ATAD5: variants seen among roughly 807,000 people sequenced by gnomAD.
ATAD5 encodes ATPase family AAA domain-containing protein 5.
In ATAD5, 58 loss-of-function variants were observed where a neutral mutation model predicts 176.9. The observed-to-expected ratio is 0.33, with a 90% confidence interval of 0.27 to 0.41. The LOEUF (loss-of-function observed/expected upper bound fraction) is 0.41. Ranked by LOEUF, ATAD5 falls within the 10% of genes least tolerant of loss-of-function variation. The pLI is 1.00. For synonymous variants in ATAD5, 640 were observed against 712.6 expected (o/e 0.90, Z 1.62); for missense variants, 1,789 against 2,094.1 (o/e 0.85, Z 2.84).
intron 18 of ATAD5, among the ~76,000 whole-genome samples, chr17:30,882,311 C>T (rs960477019): frequency 6.6e-6 from 1 of 151,900 alleles, no homozygotes; most frequent in African/African-American, 2.4e-5. Context: ...GCCTATAATC[C>T]TAGCACTTTT....
chr17:30,841,743 G>GT (rs2142318787), intron 4 of ATAD5, among the ~76,000 whole-genome samples: 1 of 152,208 alleles, frequency 6.6e-6, no homozygotes, highest in Admixed American at 6.5e-5. Context: ...ATAGCATGTG[G>GT]TTTTTTGTGT....
chr17:30,868,353 GAA>G lies in ATAD5; in HGVS notation c.3255_3256del (p.Arg1086SerfsTer2). 6.3e-7 allele frequency: 1 copy of G among 1,581,122 alleles called. No homozygotes were observed. Among genetic ancestry groups the G allele is most frequent in the Non-Finnish European group, 8.6e-7 (1 of 1,166,684 alleles). ...GGCAGTTGGTTGAAAGACTGGAAAA[GAA>G]GAGCTGAATTGGAAGAAAGGCAGAA... is the stretch of plus-strand genomic sequence containing the variant. On this transcript the variant is annotated frameshift_variant, in exon 12 of 23. Transcript: ENST00000321990. LOFTEE classifies it high-confidence loss of function.
rs865881680 is a variant in ATAD5, at chr17:30,869,355, G to T, written c.3421G>T (p.Ala1141Ser). ...TGPTGVGKTA[A>S]VYACAQELGF... Reference sequence around the variant, plus strand: ...GCCAACAGGAGTGGGAAAAACTGCTGCAGTGTATGCTTGTGCCCAGGAGCT... The same window carrying T: ...GCCAACAGGAGTGGGAAAAACTGCTTCAGTGTATGCTTGTGCCCAGGAGCT... Residue 1141 changes from alanine to serine, a missense_variant, in exon 13 of 23, where the codon GCA (alanine) becomes TCA (serine). Ala to Ser is a moderately conservative substitution (Grantham distance 99). Coordinates refer to ENST00000321990, the MANE Select transcript of ATAD5 (RefSeq NM_024857.5). The T allele has an allele frequency of 6.2e-6, 10 of 1,614,042 alleles. No homozygotes were observed. In the Middle Eastern group the frequency reaches 9.9e-4, roughly 160 times the overall value.
chr17:30,882,720 C>T (rs779298758), intron 18 of ATAD5, among the ~76,000 whole-genome samples: 50 of 152,224 alleles, frequency 3.3e-4, no homozygotes, highest in Non-Finnish European at 4.4e-4. Flanking sequence ...AATATGGTCT[C>T]CACTACCCAA....
intron 6 of ATAD5, among the ~76,000 whole-genome samples, chr17:30,848,524 G>A (rs1906672303): frequency 6.6e-6 from 1 of 152,158 alleles, no homozygotes; most frequent in African/African-American, 2.4e-5. Context: ...CTCCCAAAGT[G>A]TTGGGATTAC....
Position 30,832,393 on chromosome 17 carries a change from G to A in ATAD5, c.46G>A (p.Val16Met). The change falls in exon 1 of 23, where the codon GTG (valine) becomes ATG (methionine). Residue 16 changes from valine to methionine, a missense_variant. Physicochemically the swap from Val to Met is conservative, Grantham distance 21. Transcript: ENST00000321990. ...AMAAAAAPPP[V>M]KDCEIEPCKK... is the part of the protein sequence containing the mutation. ...GGCGGCTGCAGCTGCTCCGCCTCCCGTGAAGGACTGCGAGATTGAGGTGAG... is the reference window on the plus strand; with the variant it reads ...GGCGGCTGCAGCTGCTCCGCCTCCCATGAAGGACTGCGAGATTGAGGTGAG... The A allele has an allele frequency of 1.3e-6, 2 of 1,562,102 alleles. No homozygotes were observed. The highest frequency in any genetic ancestry group is 2.5e-5 in the East Asian group (1 of 39,866).
At chr17:30,884,008 A>G (rs1426922704) in intron 18 of ATAD5, among the ~76,000 whole-genome samples, 2 of 152,174 alleles carry the variant, frequency 1.3e-5, no homozygotes, top group Admixed American at 6.5e-5. Flanking sequence ...GTATATTCAC[A>G]TTGCTCTTGC....
intron 9 of ATAD5, among the ~76,000 whole-genome samples, chr17:30,860,177 C>T (rs1907540293): frequency 6.6e-6 from 1 of 152,106 alleles, no homozygotes; most frequent in Non-Finnish European, 1.5e-5. Flanking sequence ...GTGCATGCCA[C>T]CACCCCTGGC....
Position 30,834,355 on chromosome 17 carries a change from G to A in ATAD5, c.274G>A (p.Val92Ile). 6.2e-7 allele frequency: 1 copy of A among 1,610,362 alleles called. No homozygotes were observed. Among genetic ancestry groups the A allele is most frequent in the Non-Finnish European group, 8.5e-7 (1 of 1,178,834 alleles). Residue 92 changes from valine (V) to isoleucine (I), a missense_variant, in exon 2 of 23, where the codon GTT becomes ATT. Val to Ile is a conservative substitution (Grantham distance 29). Transcript: ENST00000321990. ...CKIKSPESVP[V>I]DSNKDCTTPL... ...GATAAAGTCACCTGAATCAGTACCT[G>A]TTGACAGCAACAAAGACTGTACGAC...
intron 5 of ATAD5, among the ~76,000 whole-genome samples, chr17:30,844,338 A>T (rs953922440): frequency 1.3e-5 from 2 of 151,752 alleles, no homozygotes; most frequent in East Asian, 3.9e-4. Flanking sequence ...TCACCATGTT[A>T]GCCAGGCTGG....
Position 30,834,787 on chromosome 17 carries a change from A to G in ATAD5, c.706A>G (p.Thr236Ala). 1 of 1,614,142 alleles carries G rather than the reference A, an allele frequency of 6.2e-7. No individual in the cohort carries two copies. The highest frequency in any genetic ancestry group is 8.5e-7 in the Non-Finnish European group (1 of 1,179,992). Residue 236 changes from threonine (T) to alanine (A), a missense_variant, in exon 2 of 23, where the codon ACT becomes GCT. Thr to Ala is a moderately conservative substitution (Grantham distance 58). This residue lies in a region of ATAD5 where 696 missense variants were observed against 712.5 expected (regional missense o/e 0.98). Transcript: ENST00000321990. ...LNLLKKDGKD[T>A]KQMENTTSHA... is the part of the protein sequence containing the mutation. The stretch of plus-strand genomic sequence containing the variant: ...TTTGCTTAAAAAAGATGGTAAAGAT[A>G]CTAAACAGATGGAGAATACTACAAG...
intron 4 of ATAD5, among the ~76,000 whole-genome samples, chr17:30,843,434 C>T (rs980492221): frequency 6.6e-6 from 1 of 151,658 alleles, no homozygotes; most frequent in Non-Finnish European, 1.5e-5. Context: ...AGGCGGATCA[C>T]CTGTCAGGAG....
chr17:30,832,130 G>A lies in ATAD5; in HGVS notation c.-218G>A. The A allele has an allele frequency of 2.5e-6, 1 of 399,530 alleles. No individual in the cohort carries two copies. The highest frequency in any genetic ancestry group is 1.1e-4 in the South Asian group (1 of 9,244). The allele number at this position is 399,530 out of a possible 1,614,324, so 24.7% of individuals were successfully genotyped here. On this transcript the variant is annotated 5_prime_UTR_variant, in exon 1 of 23. Transcript: ENST00000321990. ...CTGGCCGCGCCTCAGGGATCTCATTGCCCGCGCTTTCTCATTGCCTCTTTC... is the reference window on the plus strand; with the variant it reads ...CTGGCCGCGCCTCAGGGATCTCATTACCCGCGCTTTCTCATTGCCTCTTTC...
chr17:30,847,762 C>T (rs1254564538), intron 6 of ATAD5, among the ~76,000 whole-genome samples: 2 of 147,266 alleles, frequency 1.4e-5, no homozygotes, highest in East Asian at 2.0e-4. Flanking sequence ...CTCTGTCGCC[C>T]AGGCTGGAGT....
At position 30,835,405 on chromosome 17, in the gene ATAD5, A is replaced by G; in HGVS notation, c.1324A>G (p.Asn442Asp). 2.5e-6 allele frequency: 4 copies of G among 1,611,566 alleles called. No homozygotes were observed. Among genetic ancestry groups the G allele is most frequent in the Non-Finnish European group, 3.4e-6 (4 of 1,179,386 alleles). ...KCLYEVGRDD[N>D]SKKIMENSGI... ...TCTATATGAAGTAGGAAGAGATGAT[A>G]ATTCTAAAAAAATCATGGAAAATTC... Residue 442 changes from asparagine (N) to aspartate (D), a missense_variant, in exon 2 of 23, where the codon AAT (asparagine) becomes GAT (aspartate). Physicochemically the swap from Asn to Asp is conservative, Grantham distance 23. Coordinates refer to ENST00000321990, the MANE Select transcript of ATAD5 (RefSeq NM_024857.5).
intron 6 of ATAD5, among the ~76,000 whole-genome samples, chr17:30,850,652 G>C (rs1416287311): frequency 6.6e-6 from 1 of 150,784 alleles, no homozygotes; most frequent in East Asian, 1.9e-4. Flanking sequence ...TTCACTTAAC[G>C]TAATATCCTC....
rs1905613902 is a variant in ATAD5 at position 30,834,878 on chromosome 17, C to T, written c.797C>T (p.Ser266Leu). 1 of 1,613,462 alleles carries T rather than the reference C, an allele frequency of 6.2e-7. No homozygotes were observed. The highest frequency in any genetic ancestry group is 1.3e-5 in the African/African-American group (1 of 74,894). Residue 266 changes from serine (S) to leucine (L), a missense_variant, in exon 2 of 23, where the codon TCA becomes TTA. Around this residue, in one of 6 missense-constraint regions of ATAD5, gnomAD observed 696 missense variants for 712.5 expected, o/e 0.98. Coordinates refer to ENST00000321990, the MANE Select transcript of ATAD5 (RefSeq NM_024857.5). ...TTAAATGATAGTATAATAACTGTCT[C>T]ATATGAGGAATTTTTAAAAAGTCAC... ...AQLNDSIITV[S>L]YEEFLKSHKE...
At chr17:30,849,960 G>A (rs1259937762) in intron 6 of ATAD5, among the ~76,000 whole-genome samples, 1 of 152,114 alleles carries the variant, frequency 6.6e-6, no homozygotes. Context: ...GGGCACCACT[G>A]TGGGACTCCA....
chr17:30,878,622 A>G (rs1203627521), intron 17 of ATAD5, among the ~76,000 whole-genome samples: 3 of 150,752 alleles, frequency 2.0e-5, no homozygotes, highest in Admixed American at 6.6e-5. Context: ...ATAAATATTC[A>G]TGAGGCTAGT....
Sources: gnomAD v4.1 joint callset for allele counts (sites outside exome capture counted in the v4.1 genomes callset) on GRCh38, gnomAD v4.1.1 for gene constraint, gnomAD v4.1.1 regional missense constraint, MANE v1.5 for transcripts, NCBI Gene and HGNC (gene_info 2026-07-23, HGNC 2026-07-21) for gene names.